WWOX: variants seen among roughly 807,000 people sequenced by gnomAD.
WWOX encodes WW domain-containing oxidoreductase.
Under a neutral mutation model 46.2 loss-of-function variants are expected in WWOX, and 69 were observed. That is an observed-to-expected ratio of 1.49 (90% CI 1.23 to 1.82). The LOEUF is 1.82. Among genes scored for constraint, WWOX ranks in the 40% most tolerant of loss-of-function variants. The probability of loss-of-function intolerance (pLI) is 0.00; values close to 1 mark genes in which losing one functional copy is unlikely to be tolerated. For synonymous variants in WWOX, 359 were observed against 202.6 expected, an observed-to-expected ratio of 1.77 and a Z score of -6.56; for missense variants, 919 against 542.6, an observed-to-expected ratio of 1.69 and a Z score of -6.89.
chr16:78,444,198 C>G (rs1379902195), intron 8 of WWOX, among the ~76,000 whole-genome samples: 6 of 152,174 alleles, frequency 3.9e-5, no homozygotes, highest in Non-Finnish European at 1.5e-5. Flanking sequence ...GCTCTGTGGT[C>G]ATGGGTTTCC....
At chr16:78,449,663 A>C (rs1254450824) in intron 8 of WWOX, among the ~76,000 whole-genome samples, 1 of 152,204 alleles carries the variant, frequency 6.6e-6, no homozygotes, top group African/African-American at 2.4e-5. Context: ...CACCCATTTA[A>C]AACATATATG....
At chr16:79,202,085 A>G (rs1159512173) in intron 8 of WWOX, among the ~76,000 whole-genome samples, 1 of 152,212 alleles carries the variant, frequency 6.6e-6, no homozygotes, top group Non-Finnish European at 1.5e-5. Flanking sequence ...TTTTATTGGA[A>G]TACAGACACG....
At chr16:79,049,349 C>A (rs1040443374) in intron 8 of WWOX, among the ~76,000 whole-genome samples, 17 of 152,186 alleles carry the variant, frequency 1.1e-4, no homozygotes, top group African/African-American at 4.1e-4. Context: ...GGGGCAAACA[C>A]AGGGGATTTA....
intron 8 of WWOX, among the ~76,000 whole-genome samples, chr16:78,954,907 A>G (rs1039503422): frequency 3.3e-5 from 5 of 152,112 alleles, no homozygotes. Context: ...CTCCTGCCTC[A>G]GTTTCCTGAG....
intron 5 of WWOX, among the ~76,000 whole-genome samples, chr16:78,360,412 C>G (rs1241010840): frequency 6.6e-6 from 1 of 151,938 alleles, no homozygotes; most frequent in Non-Finnish European, 1.5e-5. Flanking sequence ...TAGTGAAATC[C>G]TGTCTCTACT....
chr16:79,054,187 G>A (rs996255823), intron 8 of WWOX, among the ~76,000 whole-genome samples: 2 of 152,178 alleles, frequency 1.3e-5, no homozygotes, highest in African/African-American at 4.8e-5. Flanking sequence ...CCAATATATA[G>A]CTCTTTACCC....
Position 78,736,091 on chromosome 16 carries a change from C to A in WWOX, c.1056+303339C>A, listed in dbSNP as rs186959311. Among the ~76,000 whole-genome samples, 28 of 152,236 alleles carry A rather than the reference C, an allele frequency of 1.8e-4. 1 individual carries two copies. The East Asian group carries it at 4.1e-3, about 22-fold the overall frequency. ...TCGCTTGCTTTATCAAGGGAATGTT[C>A]TTGGGACAAATGTGTGACAGGTGAG... On this transcript the variant is annotated intron_variant, in intron 8 of 8. Coordinates refer to ENST00000566780, the MANE Select transcript of WWOX (RefSeq NM_016373.4).
chr16:78,234,303 G>T (rs1334646552), intron 5 of WWOX, among the ~76,000 whole-genome samples: 2 of 151,962 alleles, frequency 1.3e-5, no homozygotes, highest in Non-Finnish European at 2.9e-5. Context: ...TCATTTTGAT[G>T]TAGGCCTTTT....
chr16:78,794,851 G>T (rs2050696546), intron 8 of WWOX, among the ~76,000 whole-genome samples: 1 of 152,238 alleles, frequency 6.6e-6, no homozygotes, highest in African/African-American at 2.4e-5. Flanking sequence ...TGTGGCTGCT[G>T]ACACCTGTCT....
At chr16:79,170,311 G>T (rs2050675611) in intron 8 of WWOX, among the ~76,000 whole-genome samples, 1 of 152,184 alleles carries the variant, frequency 6.6e-6, no homozygotes, top group Non-Finnish European at 1.5e-5. Context: ...GATCAGAGAA[G>T]CTACGTGATC....
intron 8 of WWOX, among the ~76,000 whole-genome samples, chr16:78,619,903 A>AAAAT (rs566599249): frequency 8.0e-4 from 121 of 152,200 alleles, no homozygotes; most frequent in South Asian, 1.0e-3. Context: ...ACCTGTCTCC[A>AAAAT]AAATAAATAA....
At chr16:78,627,094 T>A (rs1365611997) in intron 8 of WWOX, among the ~76,000 whole-genome samples, 2 of 152,162 alleles carry the variant, frequency 1.3e-5, no homozygotes, top group South Asian at 2.1e-4. Flanking sequence ...TTCTGGAATC[T>A]CAGCCATATT....
chr16:78,925,025 T>C (rs1224960477), intron 8 of WWOX, among the ~76,000 whole-genome samples: 4 of 152,046 alleles, frequency 2.6e-5, no homozygotes, highest in African/African-American at 7.2e-5. Context: ...CAAAACCCTG[T>C]CTCTACAAAA....
chr16:78,973,921 C>T (rs376725481), intron 8 of WWOX, among the ~76,000 whole-genome samples: 8 of 152,202 alleles, frequency 5.3e-5, no homozygotes, highest in African/African-American at 1.7e-4. Context: ...GTTTTTTCTT[C>T]GGCGTGTTTA....
chr16:78,961,217 A>G (rs774268955), intron 8 of WWOX, among the ~76,000 whole-genome samples: 9 of 152,220 alleles, frequency 5.9e-5, no homozygotes, highest in Non-Finnish European at 1.3e-4. Context: ...TAAAAGGTCT[A>G]TGCAGATTAA....
At chr16:78,749,524 T>C (rs2049428076) in intron 8 of WWOX, among the ~76,000 whole-genome samples, 1 of 152,146 alleles carries the variant, frequency 6.6e-6, no homozygotes, top group Non-Finnish European at 1.5e-5. Flanking sequence ...GTTGTTACAA[T>C]TGTTGTTTTA....
At chr16:78,645,156 C>G (rs775341253) in intron 8 of WWOX, among the ~76,000 whole-genome samples, 2 of 152,148 alleles carry the variant, frequency 1.3e-5, no homozygotes, top group African/African-American at 4.8e-5. Context: ...CTGTCAAGCT[C>G]TTTCCTATCG....
chr16:78,885,253 A>G (rs1262278052), intron 8 of WWOX, among the ~76,000 whole-genome samples: 1 of 151,638 alleles, frequency 6.6e-6, no homozygotes, highest in Non-Finnish European at 1.5e-5. Context: ...CACTGAAAAA[A>G]AAAATACTCT....
chr16:78,196,526 A>T (rs1359382509), intron 5 of WWOX, among the ~76,000 whole-genome samples: 1 of 152,190 alleles, frequency 6.6e-6, no homozygotes, highest in Non-Finnish European at 1.5e-5. Flanking sequence ...CTAGCCTCTT[A>T]TTACCATGTT....
Sources: gnomAD v4.1 joint callset for allele counts (sites outside exome capture counted in the v4.1 genomes callset) on GRCh38, gnomAD v4.1.1 for gene constraint, MANE v1.5 for transcripts, NCBI Gene and HGNC (gene_info 2026-07-23, HGNC 2026-07-21) for gene names.